TPCN1: variants seen among roughly 807,000 people sequenced by gnomAD.
TPCN1 encodes the protein two pore channel protein 1.
In TPCN1, 52 loss-of-function variants were observed where a neutral mutation model predicts 108.8. The ratio of observed to expected loss-of-function variants is 0.48; its 90% confidence interval spans 0.38 to 0.60. The LOEUF (loss-of-function observed/expected upper bound fraction) is 0.60, where lower values mean the gene tolerates loss of function less well. Among genes scored for constraint, TPCN1 ranks in the 20% least tolerant of loss-of-function variants. The pLI is 0.00. For synonymous variants in TPCN1, 446 were observed against 433.7 expected (o/e 1.03, Z -0.35); for missense variants, 806 against 1,072.8 (o/e 0.75, Z 3.47).
At position 113,288,821 on chromosome 12, in the gene TPCN1, C is replaced by T. The variant is rs746983061; in HGVS notation, c.1770C>T (p.Cys590=). 9.3e-6 allele frequency: 15 copies of T among 1,613,446 alleles called. No individual in the cohort carries two copies. Among genetic ancestry groups the T allele is most frequent in the Admixed American group, 1.7e-5 (1 of 60,004 alleles). Residue 590 remains cysteine (C), a synonymous_variant, in exon 21 of 28, where the codon TGC becomes TGT. Transcript: ENST00000335509. This position sits in a 1 kb window ranked among gnomAD's most constrained non-coding sequence, Gnocchi z 4.8. The part of the protein sequence containing the change: ...SFAIVGMEFF[C]GIVFPNCCNT... ...CCATCGTGGGCATGGAGTTCTTCTGCGGGATCGTCTTCCCCAACTGCTGCA... is the reference window on the plus strand; with the variant it reads ...CCATCGTGGGCATGGAGTTCTTCTGTGGGATCGTCTTCCCCAACTGCTGCA...
intron 14 of TPCN1, among the ~76,000 whole-genome samples, chr12:113,279,732 T>C (rs1169461590): frequency 2.0e-5 from 3 of 152,134 alleles, no homozygotes; most frequent in Non-Finnish European, 4.4e-5. Flanking sequence ...CCTCCTCTTA[T>C]GGCAGGATGT....
chr12:113,268,870 G>C lies in TPCN1; in HGVS notation c.657G>C (p.Arg219=). ...ACTGTCGGTATTGCGGTGGCGTCCG[G>C]CGGTAAGGCCCGGGTGGGGAGCTGG... The part of the protein sequence containing the change: ...LVDCRYCGGV[R]RNLRQIFQSL... The change falls in exon 6 of 28, where the codon CGG becomes CGC. Residue 219 remains arginine (R), a splice_region_variant and synonymous_variant. Coordinates refer to ENST00000335509, the MANE Select transcript of TPCN1 (RefSeq NM_017901.6). The surrounding 1 kb of genome is among the most constrained non-coding windows in gnomAD (Gnocchi z 7.3). 1 of 1,613,858 alleles carries C rather than the reference G, an allele frequency of 6.2e-7. No homozygotes were observed. The highest frequency in any genetic ancestry group is 8.5e-7 in the Non-Finnish European group (1 of 1,179,896).
Position 113,260,431 on chromosome 12 carries a change from C to T in TPCN1, c.176C>T (p.Ser59Phe). ...APSLSSGGES[S>F]PSSPAHNWEM... Reference sequence around the variant, plus strand: ...AGTCTCAGCTCTGGGGGTGAGAGTTCCCCCTCCAGCCCCGCACACAACTGG... The same window carrying T: ...AGTCTCAGCTCTGGGGGTGAGAGTTTCCCCTCCAGCCCCGCACACAACTGG... The change falls in exon 3 of 28, where the codon TCC becomes TTC. Residue 59 changes from serine to phenylalanine, a missense_variant. Ser to Phe is a radical substitution (Grantham distance 155). Transcript: ENST00000335509. 1 of 1,554,254 alleles carries T rather than the reference C, an allele frequency of 6.4e-7. No individual in the cohort carries two copies. The highest frequency in any genetic ancestry group is 8.7e-7 in the Non-Finnish European group (1 of 1,155,136).
chr12:113,222,590 G>A (rs1953283557), intron 1 of TPCN1, among the ~76,000 whole-genome samples: 1 of 152,222 alleles, frequency 6.6e-6, no homozygotes, highest in African/African-American at 2.4e-5. Flanking sequence ...AGTGGGCAAA[G>A]GCAGTACAGG....
intron 2 of TPCN1, 64 bp from the exon 3 acceptor site, chr12:113,260,304 C>T: frequency 1.4e-6 from 2 of 1,444,290 alleles, no homozygotes; most frequent in East Asian, 5.5e-5. Context: ...TTTCTTCTGC[C>T]AAACGGTGTC....
In TPCN1 at chr12:113,273,347, C is replaced by A. The variant is rs1476847544; in HGVS notation, c.842+57C>A. The A allele has an allele frequency of 2.6e-6, 4 of 1,556,144 alleles. No homozygotes were observed. The South Asian group carries it at 3.3e-5, about 13-fold the overall frequency. On this transcript the variant is annotated intron_variant, in intron 9 of 27. Coordinates refer to ENST00000335509, the MANE Select transcript of TPCN1 (RefSeq NM_017901.6). The surrounding 1 kb of genome is among the most constrained non-coding windows in gnomAD (Gnocchi z 4.0). ...TCTGCTGCCGCCCTGGGGTCTCTTT[C>A]TCTTTTCTGCCAAGTATATTCCACA...
intron 7 of TPCN1, among the ~76,000 whole-genome samples, chr12:113,271,888 C>T (rs1955514199): frequency 6.6e-6 from 1 of 152,216 alleles, no homozygotes; most frequent in Non-Finnish European, 1.5e-5. Context: ...ACAAGAGTCA[C>T]AGGGCATAGA....
chr12:113,268,617 G>A lies in TPCN1; in HGVS notation c.529-125G>A. The stretch of plus-strand genomic sequence containing the variant: ...TGATGTTGGCAGGAAGTGTGAGAGG[G>A]CTGGAGAGAGGAGAAGGCCTCCCGA... On this transcript the variant is annotated intron_variant, in intron 5 of 27. Transcript: ENST00000335509. This position sits in a 1 kb window ranked among gnomAD's most constrained non-coding sequence, Gnocchi z 7.3. 8.1e-7 allele frequency: 1 copy of A among 1,227,882 alleles called. No individual in the cohort carries two copies. 76.1% of individuals were successfully genotyped at this position (1,227,882 alleles called of 1,614,324 possible). A position where few individuals can be genotyped will look rare whatever the true frequency, so the allele number is the denominator to read the frequency against.
intron 2 of TPCN1, among the ~76,000 whole-genome samples, chr12:113,250,550 A>T (rs1020381407): frequency 7.9e-5 from 12 of 152,340 alleles, no homozygotes; most frequent in Admixed American, 7.8e-4. Context: ...AGTCCCCACT[A>T]AGGGCCCAGC....
intron 15 of TPCN1, among the ~76,000 whole-genome samples, chr12:113,281,686 A>G (rs903691045): frequency 1.3e-5 from 2 of 152,116 alleles, no homozygotes; most frequent in Non-Finnish European, 2.9e-5. Context: ...CCACAGGTGC[A>G]TGCCACCACA....
chr12:113,269,007 C>T lies in TPCN1; in HGVS notation c.659+135C>T. On this transcript the variant is annotated intron_variant, in intron 6 of 27. Coordinates refer to ENST00000335509, the MANE Select transcript of TPCN1 (RefSeq NM_017901.6). The surrounding 1 kb of genome is among the most constrained non-coding windows in gnomAD (Gnocchi z 5.0). ...CTGGTGGAGTACACGCAGACTCACT[C>T]TCCCTCTGCCATTCCATCCACGCAC... 1 of 994,262 alleles carries T rather than the reference C, an allele frequency of 1.0e-6. No individual in the cohort carries two copies. Among genetic ancestry groups the T allele is most frequent in the Non-Finnish European group, 1.5e-6 (1 of 666,298 alleles). The allele number at this position is 994,262 out of a possible 1,614,324, so 61.6% of individuals were successfully genotyped here.
At chr12:113,282,359 C>T (rs1428857519) in intron 15 of TPCN1, among the ~76,000 whole-genome samples, 3 of 151,668 alleles carry the variant, frequency 2.0e-5, no homozygotes, top group Non-Finnish European at 1.5e-5. Flanking sequence ...TCCCAAAGTG[C>T]TAGGATTACA....
rs1486152653 is a variant in TPCN1 at position 113,231,811 on chromosome 12, G to A, written c.112+4847G>A. Among the ~76,000 whole-genome samples, 3 of 152,362 alleles carry A rather than the reference G, an allele frequency of 2.0e-5. No individual in the cohort carries two copies. In the East Asian group the frequency reaches 5.8e-4, roughly 29 times the overall value. On this transcript the variant is annotated intron_variant, in intron 2 of 27. Coordinates refer to ENST00000335509, the MANE Select transcript of TPCN1 (RefSeq NM_017901.6). The surrounding 1 kb of genome is among the most constrained non-coding windows in gnomAD (Gnocchi z 4.3). The stretch of plus-strand genomic sequence containing the variant: ...TTGATAAAGGAGGCAGGTATGAGCA[G>A]AGGTATTTAAAGCCTGGAAACTAGG...
chr12:113,282,719 T>C lies in TPCN1; in HGVS notation c.1343-1862T>C, dbSNP rs567800521. On this transcript the variant is annotated intron_variant, in intron 15 of 27. Coordinates refer to ENST00000335509, the MANE Select transcript of TPCN1 (RefSeq NM_017901.6). ...CTGCAGTGTGCCATGATCGCGCCAC[T>C]GCACTCCAGCCTGGGCAACAGAGTG... Among the ~76,000 whole-genome samples the C allele has an allele frequency of 2.6e-5, 4 of 151,366 alleles. No homozygotes were observed. The South Asian group carries it at 6.3e-4, about 24-fold the overall frequency.
chr12:113,228,479 G>A (rs1008015009), intron 2 of TPCN1, among the ~76,000 whole-genome samples: 1 of 152,180 alleles, frequency 6.6e-6, no homozygotes, highest in African/African-American at 2.4e-5. Flanking sequence ...GCTGGGTATG[G>A]TGGTGCATGC....
intron 2 of TPCN1, among the ~76,000 whole-genome samples, chr12:113,237,679 C>A (rs767240824): frequency 6.6e-6 from 1 of 152,176 alleles, no homozygotes; most frequent in Admixed American, 6.5e-5. Context: ...TCTTAAGAGG[C>A]ACTCAGGAAG....
chr12:113,279,092 C>G (rs1175787755), intron 14 of TPCN1, among the ~76,000 whole-genome samples: 1 of 151,688 alleles, frequency 6.6e-6, no homozygotes, highest in African/African-American at 2.4e-5. Context: ...GGGTATTTTT[C>G]TTTTTTCATA....
In TPCN1 at chr12:113,293,259, TCTTC is replaced by T; in HGVS notation, c.2254-6_2254-3del. 6.2e-7 allele frequency: 1 copy of T among 1,614,040 alleles called. No homozygotes were observed. The highest frequency in any genetic ancestry group is 8.5e-7 in the Non-Finnish European group (1 of 1,180,010). On this transcript the variant is annotated splice_region_variant and splice_polypyrimidine_tract_variant and intron_variant, in intron 26 of 27. Coordinates refer to ENST00000335509, the MANE Select transcript of TPCN1 (RefSeq NM_017901.6). ...TGCAGCCGAGCCCTGCAGCCTCTGC[TCTTC>T]CTTAGCAACATTCCATGGTGTTTCT...
chr12:113,231,988 G>A lies in TPCN1; in HGVS notation c.112+5024G>A, dbSNP rs1402825107. 3.9e-5 allele frequency among the ~76,000 whole-genome samples: 6 copies of A among 152,140 alleles called. No homozygotes were observed. The highest frequency in any genetic ancestry group is 1.4e-4 in the African/African-American group (6 of 41,422). On this transcript the variant is annotated intron_variant, in intron 2 of 27. Transcript: ENST00000335509. The surrounding 1 kb of genome is among the most constrained non-coding windows in gnomAD (Gnocchi z 4.3). Reference sequence around the variant, plus strand: ...GTGGGCAGTCCAAGGAATTTCCCAGGGTAACTCTGGTCACACTCAGCTCTG... The same window carrying A: ...GTGGGCAGTCCAAGGAATTTCCCAGAGTAACTCTGGTCACACTCAGCTCTG...
Sources: gnomAD v4.1 joint callset for allele counts (sites outside exome capture counted in the v4.1 genomes callset) on GRCh38, gnomAD v4.1.1 for gene constraint, Gnocchi (gnomAD v3.1) non-coding constraint, MANE v1.5 for transcripts, NCBI Gene and HGNC (gene_info 2026-07-23, HGNC 2026-07-21) for gene names.